PCDHGA12: variants seen among roughly 807,000 people sequenced by gnomAD.
PCDHGA12 encodes the protein protocadherin gamma-A12.
PCDHGA12 carries 43 observed loss-of-function variants against 61.1 expected under a neutral mutation model. The ratio of observed to expected loss-of-function variants is 0.70; its 90% CI spans 0.55 to 0.91. The LOEUF (loss-of-function observed/expected upper bound fraction) is 0.91, where lower values mean the gene tolerates loss of function less well. PCDHGA12 is among the 40% of genes least tolerant of loss of function. The pLI, the probability that PCDHGA12 is intolerant of heterozygous loss-of-function variation, is 0.00. For synonymous variants in PCDHGA12, 520 were observed against 542.9 expected (o/e 0.96, Z 0.59); for missense variants, 1,236 against 1,227.7 (o/e 1.01, Z -0.10).
At chr5:141,460,987 A>C (rs201722325) in intron 1 of PCDHGA12, among the ~76,000 whole-genome samples, 1 of 92,990 alleles carries the variant, frequency 1.1e-5, no homozygotes, top group South Asian at 3.4e-4. Context: ...GTGTGTGTAT[A>C]TATATATATG....
Position 141,486,362 on chromosome 5 carries a change from C to A in PCDHGA12, c.2425-8445C>A. On this transcript the variant is annotated intron_variant, in intron 1 of 3. Coordinates refer to ENST00000252085, the MANE Select transcript of PCDHGA12 (RefSeq NM_003735.3). The surrounding 1 kb of genome is among the most constrained non-coding windows in gnomAD (Gnocchi z 5.0). ...CATTCCTGACCACTTGCCATTTGCC[C>A]TCAAGTCTGCCTTCAGGAACCAGTT... The A allele has an allele frequency of 6.2e-7, 1 of 1,614,132 alleles. No individual in the cohort carries two copies. The highest frequency in any genetic ancestry group is 1.7e-5 in the Admixed American group (1 of 60,024).
chr5:141,434,277 A>G (rs760937958), intron 1 of PCDHGA12, among the ~76,000 whole-genome samples: 4 of 152,172 alleles, frequency 2.6e-5, no homozygotes, highest in Non-Finnish European at 4.4e-5. Flanking sequence ...AATTAGAGGT[A>G]TTCTCTGTTT....
At position 141,487,611 on chromosome 5, in the gene PCDHGA12, T is replaced by C. The variant is rs1215704705; in HGVS notation, c.2425-7196T>C. ...CCACCCTCTGATCTTCTCTATGGGCTAGAGGTGAGACCTTTGCAGGCTCAA... is the reference window on the plus strand; with the variant it reads ...CCACCCTCTGATCTTCTCTATGGGCCAGAGGTGAGACCTTTGCAGGCTCAA... On this transcript the variant is annotated intron_variant, in intron 1 of 3. Transcript: ENST00000252085. This position sits in a 1 kb window ranked among gnomAD's most constrained non-coding sequence, Gnocchi z 5.0. The C allele has an allele frequency of 1.2e-6, 2 of 1,614,206 alleles. No homozygotes were observed. The highest frequency in any genetic ancestry group is 1.7e-6 in the Non-Finnish European group (2 of 1,180,036).
Position 141,448,073 on chromosome 5 carries a change from C to T in PCDHGA12, c.2424+14890C>T, listed in dbSNP as rs1025112556. ...TGCTCTCCAGCCTGGGCAACATGAA[C>T]GAAATGCCATCTTAAAAAAAAAAAA... On this transcript the variant is annotated intron_variant, in intron 1 of 3. Coordinates refer to ENST00000252085, the MANE Select transcript of PCDHGA12 (RefSeq NM_003735.3). 3.3e-5 allele frequency among the ~76,000 whole-genome samples: 5 copies of T among 151,432 alleles called. No individual in the cohort carries two copies. In the East Asian group the frequency reaches 5.8e-4, roughly 18 times the overall value.
chr5:141,465,583 A>G (rs1056902823), intron 1 of PCDHGA12, among the ~76,000 whole-genome samples: 10 of 152,162 alleles, frequency 6.6e-5, no homozygotes, highest in African/African-American at 2.4e-4. Flanking sequence ...ACACTCTCAT[A>G]ATAATCAGAT....
intron 1 of PCDHGA12, among the ~76,000 whole-genome samples, chr5:141,468,247 C>T (rs925455907): frequency 6.7e-6 from 1 of 149,930 alleles, no homozygotes; most frequent in Non-Finnish European, 1.5e-5. Flanking sequence ...ATTGCCTGAA[C>T]CTGGGAGGCA....
rs766164142 is a variant in PCDHGA12, at chr5:141,477,910, G to A, written c.2425-16897G>A. On this transcript the variant is annotated intron_variant, in intron 1 of 3. Transcript: ENST00000252085. The surrounding 1 kb of genome is among the most constrained non-coding windows in gnomAD (Gnocchi z 4.9). ...TGTCACGGGTGGTAGGCTGGGACGC[G>A]GATGCAGGGCACAATGCCTGGCTCT... 6.2e-7 allele frequency: 1 copy of A among 1,614,166 alleles called. No individual in the cohort carries two copies. Among genetic ancestry groups the A allele is most frequent in the Admixed American group, 1.7e-5 (1 of 60,020 alleles).
At chr5:141,478,396 G>GT in intron 1 of PCDHGA12, 1 of 1,613,564 alleles carries the variant, frequency 6.2e-7, no homozygotes, top group Non-Finnish European at 8.5e-7. Flanking sequence ...ACCATCAGGT[G>GT]TATCTCACCA....
chr5:141,434,861 T>C (rs1157640770), intron 1 of PCDHGA12, among the ~76,000 whole-genome samples: 1 of 151,998 alleles, frequency 6.6e-6, no homozygotes, highest in Non-Finnish European at 1.5e-5. Context: ...TAAATTTATA[T>C]ATATGTGACA....
chr5:141,461,167 C>T (rs917796588), intron 1 of PCDHGA12, among the ~76,000 whole-genome samples: 2 of 151,968 alleles, frequency 1.3e-5, no homozygotes, highest in Non-Finnish European at 2.9e-5. Context: ...AGTGGGATTG[C>T]TGGATTGAAT....
At chr5:141,483,648 T>TTGTGTG (rs111458813) in intron 1 of PCDHGA12, among the ~76,000 whole-genome samples, 20,229 of 149,628 alleles carry the variant, frequency 0.14, 2,147 homozygotes, top group African/African-American at 0.31. Context: ...GGGTGTGTGT[T>TTGTGTG]TGTGTGTGTG....
intron 1 of PCDHGA12, among the ~76,000 whole-genome samples, chr5:141,456,842 A>G (rs1374546355): frequency 6.6e-6 from 1 of 152,150 alleles, no homozygotes; most frequent in African/African-American, 2.4e-5. Flanking sequence ...GGGCGCCTGT[A>G]ATCCCAGCTA....
rs748972821 is a variant in PCDHGA12 at position 141,476,094 on chromosome 5, GAGAGGAACT to G, written c.2425-18712_2425-18704del. ...TCTCAGGGACGATCTGGACCCCGCT[GAGAGGAACT>G]GCTTTTGAGTGAGATGGTCCCAGAG... is the stretch of plus-strand genomic sequence containing the variant. On this transcript the variant is annotated intron_variant, in intron 1 of 3. Coordinates refer to ENST00000252085, the MANE Select transcript of PCDHGA12 (RefSeq NM_003735.3). This position sits in a 1 kb window ranked among gnomAD's most constrained non-coding sequence, Gnocchi z 7.6. 6.4e-7 allele frequency: 1 copy of G among 1,568,172 alleles called. No individual in the cohort carries two copies. The highest frequency in any genetic ancestry group is 1.2e-5 in the South Asian group (1 of 85,292).
At chr5:141,461,981 G>A (rs755173695) in intron 1 of PCDHGA12, among the ~76,000 whole-genome samples, 4 of 152,078 alleles carry the variant, frequency 2.6e-5, no homozygotes, top group Non-Finnish European at 5.9e-5. Context: ...ATGCCACCAC[G>A]CCAGGCTAAT....
In PCDHGA12 at chr5:141,512,249, T is replaced by A. The variant is rs1159090773; in HGVS notation, c.*1076T>A. 6.6e-6 allele frequency: 1 copy of A among 152,598 alleles called. No individual in the cohort carries two copies. The allele number at this position is 152,598 out of a possible 1,614,324, so 9.5% of individuals were successfully genotyped here. On this transcript the variant is annotated 3_prime_UTR_variant, in exon 4 of 4. Coordinates refer to ENST00000252085, the MANE Select transcript of PCDHGA12 (RefSeq NM_003735.3). Reference sequence around the variant, plus strand: ...CCTTGAGAGGTCAGAGGGGCCTCTGTGGGTGCTGGGTACTCCAGAGGTGCC... The same window carrying A: ...CCTTGAGAGGTCAGAGGGGCCTCTGAGGGTGCTGGGTACTCCAGAGGTGCC...
rs760402028 is a variant in PCDHGA12 at position 141,430,828 on chromosome 5, G to C, written c.69G>C (p.Leu23=). ...TGCTGGGAATCCTCCTGGGGACTCT[G>C]TGGGAGACCGGATGCACCCAGATAC... is the stretch of plus-strand genomic sequence containing the variant. The part of the protein sequence containing the change: ...LVLLGILLGT[L]WETGCTQIRY... The change falls in exon 1 of 4, where the codon CTG becomes CTC. Residue 23 remains leucine (L), a synonymous_variant. Coordinates refer to ENST00000252085, the MANE Select transcript of PCDHGA12 (RefSeq NM_003735.3). The C allele has an allele frequency of 1.3e-6, 2 of 1,554,030 alleles. No homozygotes were observed. The highest frequency in any genetic ancestry group is 2.2e-5 in the East Asian group (1 of 44,506).
Position 141,477,148 on chromosome 5 carries a change from T to A in PCDHGA12, c.2425-17659T>A. 1 of 1,614,172 alleles carries A rather than the reference T, an allele frequency of 6.2e-7. No individual in the cohort carries two copies. Among genetic ancestry groups the A allele is most frequent in the African/African-American group, 1.3e-5 (1 of 75,050 alleles). On this transcript the variant is annotated intron_variant, in intron 1 of 3. Transcript: ENST00000252085. This position sits in a 1 kb window ranked among gnomAD's most constrained non-coding sequence, Gnocchi z 4.9. ...GCAAAGTGTTGGTGGAGGTTGTGGA[T>A]GTGAATGACAACGCCCCGGAGATCA...
chr5:141,485,314 T>G lies in PCDHGA12; in HGVS notation c.2425-9493T>G. Reference sequence around the variant, plus strand: ...CACAGGAAGGGACTTTTGTAGGGAATGTCGCTCAAGATTTCCTGCTGGATA... The same window carrying G: ...CACAGGAAGGGACTTTTGTAGGGAAGGTCGCTCAAGATTTCCTGCTGGATA... On this transcript the variant is annotated intron_variant, in intron 1 of 3. Coordinates refer to ENST00000252085, the MANE Select transcript of PCDHGA12 (RefSeq NM_003735.3). This position sits in a 1 kb window ranked among gnomAD's most constrained non-coding sequence, Gnocchi z 5.7. 1 of 1,614,150 alleles carries G rather than the reference T, an allele frequency of 6.2e-7. No individual in the cohort carries two copies. The highest frequency in any genetic ancestry group is 8.5e-7 in the Non-Finnish European group (1 of 1,180,032).
intron 1 of PCDHGA12, among the ~76,000 whole-genome samples, chr5:141,455,904 TTTATTTA>T: frequency 6.8e-6 from 1 of 147,982 alleles, no homozygotes. Flanking sequence ...TATTTATTTA[TTTATTTA>T]TTTTGAGACG....
Sources: gnomAD v4.1 joint callset for allele counts (sites outside exome capture counted in the v4.1 genomes callset) on GRCh38, gnomAD v4.1.1 for gene constraint, Gnocchi (gnomAD v3.1) non-coding constraint, MANE v1.5 for transcripts, NCBI Gene and HGNC (gene_info 2026-07-23, HGNC 2026-07-21) for gene names.